The following AOAH variants were observed in gnomAD, a reference collection of about 807,000 sequenced individuals.
AOAH encodes acyloxyacyl hydrolase (neutrophil).
In AOAH, 64 loss-of-function variants were observed where a neutral mutation model predicts 92.2. The observed-to-expected ratio is 0.69, with a 90% CI of 0.57 to 0.86. The LOEUF is 0.86. Ranked by LOEUF, AOAH falls within the 40% of genes least tolerant of loss-of-function variation. The pLI is 0.00. For missense variants in AOAH, 656 were observed against 694.6 expected, an observed-to-expected ratio of 0.94 and a Z score of 0.62; for synonymous variants, 263 against 254.5, an observed-to-expected ratio of 1.03 and a Z score of -0.32.
At chr7:36,549,530 A>C in intron 13 of AOAH, 55 bp from the exon 14 acceptor site, 2 of 1,231,368 alleles carry the variant, frequency 1.6e-6, no homozygotes, top group South Asian at 2.5e-5. Context: ...ATTTCACACT[A>C]TCAATATGGG....
chr7:36,512,987 G>T lies in AOAH; in HGVS notation c.*265C>A. ...AGAACAATTAGCTGTAAAGGGCACA[G>T]ATACTCTCTTGTTTGGAATGGCACC... On this transcript the variant is annotated 3_prime_UTR_variant, in exon 21 of 21. Coordinates refer to ENST00000617537, the MANE Select transcript of AOAH (RefSeq NM_001637.4). 7.0e-7 allele frequency: 1 copy of T among 1,435,500 alleles called. No homozygotes were observed. Among genetic ancestry groups the T allele is most frequent in the Non-Finnish European group, 9.4e-7 (1 of 1,062,388 alleles). 88.9% of individuals were successfully genotyped at this position (1,435,500 alleles called of 1,614,324 possible). A position where few individuals can be genotyped will look rare whatever the true frequency, so the allele number is the denominator to read the frequency against.
intron 1 of AOAH, among the ~76,000 whole-genome samples, chr7:36,716,054 G>T (rs985845961): frequency 6.6e-6 from 1 of 151,958 alleles, no homozygotes; most frequent in African/African-American, 2.4e-5. Context: ...CAGAATGGGA[G>T]AAAATTTTTG....
chr7:36,628,286 A>T (rs1792820535), intron 6 of AOAH, among the ~76,000 whole-genome samples: 1 of 152,218 alleles, frequency 6.6e-6, no homozygotes, highest in Admixed American at 6.5e-5. Context: ...ATAGATTTTT[A>T]AAAAGAGGGG....
Position 36,698,281 on chromosome 7 carries a change from G to A in AOAH, c.128-11487C>T, listed in dbSNP as rs150876861. Among the ~76,000 whole-genome samples the A allele has an allele frequency of 4.7e-4, 72 of 152,078 alleles. 1 individual carries two copies. Among genetic ancestry groups the A allele is most frequent in the Middle Eastern group, 6.8e-3 (2 of 294 alleles). The stretch of plus-strand genomic sequence containing the variant: ...TCCTTTGGGTCTACAGTGATGTCCC[G>A]TCTTGTTTTATTCTTGATTTTGATG... On this transcript the variant is annotated intron_variant, in intron 1 of 20. Coordinates refer to ENST00000617537, the MANE Select transcript of AOAH (RefSeq NM_001637.4).
At chr7:36,635,414 G>GTCA (rs1329474357) in intron 5 of AOAH, among the ~76,000 whole-genome samples, 1 of 152,216 alleles carries the variant, frequency 6.6e-6, no homozygotes. Context: ...AAGTGGGACA[G>GTCA]TCATCACTCT....
intron 1 of AOAH, among the ~76,000 whole-genome samples, chr7:36,708,721 T>C (rs1400487114): frequency 1.3e-5 from 2 of 152,228 alleles, no homozygotes; most frequent in Non-Finnish European, 2.9e-5. Context: ...AGTAACTTTC[T>C]GGGCTTCAAC....
In AOAH at chr7:36,723,042, A is replaced by G. The variant is rs140714861; in HGVS notation, c.127+980T>C. On this transcript the variant is annotated intron_variant, in intron 1 of 20. Coordinates refer to ENST00000617537, the MANE Select transcript of AOAH (RefSeq NM_001637.4). ...TTTTGAGGAAGTAGGACAAATTCAG[A>G]TATATTTCCATATTGTCTCCAGAAA... is the stretch of plus-strand genomic sequence containing the variant. Among the ~76,000 whole-genome samples, 88 of 152,070 alleles carry G rather than the reference A, an allele frequency of 5.8e-4. 1 individual carries two copies. Among genetic ancestry groups the G allele is most frequent in the African/African-American group, 2.1e-3 (86 of 41,518 alleles).
intron 11 of AOAH, among the ~76,000 whole-genome samples, chr7:36,595,144 A>G (rs1004413214): frequency 1.3e-5 from 2 of 152,224 alleles, no homozygotes; most frequent in Non-Finnish European, 2.9e-5. Flanking sequence ...TTTATGAGTG[A>G]CTTCTGGGAC....
intron 20 of AOAH, among the ~76,000 whole-genome samples, chr7:36,517,202 CTT>C (rs1324414686): frequency 5.9e-4 from 41 of 69,376 alleles, no homozygotes; most frequent in South Asian, 1.8e-3. Flanking sequence ...TTCTTTCTTT[CTT>C]TCTTTCTTTC....
chr7:36,599,193 C>A (rs1174020294), intron 11 of AOAH, among the ~76,000 whole-genome samples: 1 of 152,160 alleles, frequency 6.6e-6, no homozygotes, highest in Non-Finnish European at 1.5e-5. Flanking sequence ...TATTTCCATG[C>A]ATCGAGAAAG....
At chr7:36,696,143 G>A (rs1396795267) in intron 1 of AOAH, among the ~76,000 whole-genome samples, 1 of 152,112 alleles carries the variant, frequency 6.6e-6, no homozygotes, top group African/African-American at 2.4e-5. Context: ...ACTTGTCTGT[G>A]TCTGTCCCCA....
At chr7:36,605,947 G>C (rs1486163778) in intron 11 of AOAH, among the ~76,000 whole-genome samples, 1 of 152,218 alleles carries the variant, frequency 6.6e-6, no homozygotes, top group Non-Finnish European at 1.5e-5. Flanking sequence ...CTAGGATTGA[G>C]GTTTCTCTCC....
At chr7:36,669,258 T>C (rs1328312548) in intron 3 of AOAH, among the ~76,000 whole-genome samples, 2 of 152,166 alleles carry the variant, frequency 1.3e-5, no homozygotes, top group Non-Finnish European at 2.9e-5. Context: ...ATCTTCTTCA[T>C]ATAACTTAAT....
chr7:36,611,893 G>C (rs1419343499), intron 11 of AOAH, among the ~76,000 whole-genome samples: 5 of 152,164 alleles, frequency 3.3e-5, no homozygotes, highest in Non-Finnish European at 5.9e-5. Context: ...TGGTTAAGCG[G>C]CTTGTTCAGG....
chr7:36,673,889 G>A, intron 3 of AOAH, 54 bp downstream of exon 3: 1 of 1,317,234 alleles, frequency 7.6e-7, no homozygotes, highest in Non-Finnish European at 1.1e-6. Context: ...CAGTTTTCTT[G>A]TTCCTCCCAT....
chr7:36,662,351 A>G (rs1173439334), intron 3 of AOAH, among the ~76,000 whole-genome samples: 1 of 152,260 alleles, frequency 6.6e-6, no homozygotes, highest in African/African-American at 2.4e-5. Flanking sequence ...TCACCTGCTT[A>G]GCCCCAGGTC....
chr7:36,679,973 A>C (rs943889589), intron 2 of AOAH, among the ~76,000 whole-genome samples: 2 of 152,160 alleles, frequency 1.3e-5, no homozygotes, highest in African/African-American at 4.8e-5. Flanking sequence ...ACAATTTTAT[A>C]AGTACATATT....
At chr7:36,639,656 A>G (rs1343212835) in intron 4 of AOAH, among the ~76,000 whole-genome samples, 1 of 152,238 alleles carries the variant, frequency 6.6e-6, no homozygotes, top group Non-Finnish European at 1.5e-5. Flanking sequence ...ATTTTAAACA[A>G]TGAATACCAA....
At chr7:36,576,797 C>T in intron 12 of AOAH, 141 bp from the exon 13 acceptor site, 1 of 498,994 alleles carries the variant, frequency 2.0e-6, no homozygotes, top group East Asian at 3.3e-5. Context: ...CAAGTTTTCT[C>T]TGAACTGTGA....
Sources: allele counts gnomAD v4.1 joint callset (sites outside exome capture counted in the v4.1 genomes callset), GRCh38; gene constraint gnomAD v4.1.1; transcripts MANE v1.5; gene names NCBI Gene and HGNC (gene_info 2026-07-23, HGNC 2026-07-21).